TNRC18: variants seen among roughly 807,000 people sequenced by gnomAD.
The protein encoded by TNRC18 is trinucleotide repeat containing 18.
TNRC18 carries 69 observed loss-of-function variants against 226.7 expected under a neutral mutation model. The ratio of observed to expected loss-of-function variants is 0.30; its 90% CI spans 0.25 to 0.37. The LOEUF (loss-of-function observed/expected upper bound fraction) is 0.37, where lower values mean the gene tolerates loss of function less well. TNRC18 is among the 10% of genes least tolerant of loss of function. The pLI is 1.00. For synonymous variants in TNRC18, 2,449 were observed against 1,927.6 expected (o/e 1.27, Z -7.09); for missense variants, 4,754 against 4,256.6 (o/e 1.12, Z -3.25).
Position 5,394,742 on chromosome 7 carries a change from C to T in TNRC18, c.188-147G>A, listed in dbSNP as rs572369047. The T allele has an allele frequency of 2.4e-4, 157 of 655,400 alleles. No homozygotes were observed. Among genetic ancestry groups the T allele is most frequent in the South Asian group, 3.5e-4 (19 of 53,824 alleles). 40.6% of individuals were successfully genotyped at this position (655,400 alleles called of 1,614,324 possible). On this transcript the variant is annotated intron_variant, in intron 2 of 29. Coordinates refer to ENST00000430969, the MANE Select transcript of TNRC18 (RefSeq NM_001080495.3). The surrounding 1 kb of genome is among the most constrained non-coding windows in gnomAD (Gnocchi z 4.5). ...CTGGCCAGGAGACCAAAGAGGGTTC[C>T]CCTGCTCCGGCCCCACCCCTGGGCT...
intron 2 of TNRC18, among the ~76,000 whole-genome samples, chr7:5,401,972 A>G (rs1156603138): frequency 2.7e-5 from 4 of 150,906 alleles, no homozygotes; most frequent in Admixed American, 6.6e-5. Flanking sequence ...TCAGCAGATC[A>G]AGACCATCCT....
chr7:5,376,361 T>C (rs993041992), intron 8 of TNRC18, 137 bp from the exon 9 acceptor site: 2 of 791,998 alleles, frequency 2.5e-6, no homozygotes, highest in Non-Finnish European at 3.8e-6. Flanking sequence ...CCCCGGCTGC[T>C]CCCCAGGGGC....
At position 5,361,683 on chromosome 7, in the gene TNRC18, T is replaced by C. The variant is rs752386087; in HGVS notation, c.4572A>G (p.Arg1524=). The change falls in exon 14 of 30, where the codon AGA becomes AGG. Residue 1524 remains arginine, a synonymous_variant. Transcript: ENST00000430969. ...REEPHRSLAR[R]GPGRPRKRTH... is the part of the protein sequence containing the mutation. ...TCCGTTTCCGCGGCCTGCCAGGGCC[T>C]CTGCGTGCCAAGCTTCTATGGGGTT... 1.2e-5 allele frequency: 19 copies of C among 1,565,932 alleles called. No individual in the cohort carries two copies. In the Admixed American group the frequency reaches 3.4e-4, roughly 28 times the overall value.
chr7:5,351,363 C>T (rs1266850433), intron 17 of TNRC18, among the ~76,000 whole-genome samples: 7 of 152,122 alleles, frequency 4.6e-5, no homozygotes, highest in Admixed American at 6.5e-5. Context: ...TCAAGTCACA[C>T]GCCCACACGA....
chr7:5,353,249 C>T (rs1271840105), intron 16 of TNRC18, among the ~76,000 whole-genome samples: 1 of 152,228 alleles, frequency 6.6e-6, no homozygotes, highest in Non-Finnish European at 1.5e-5. Flanking sequence ...CAAGAACCCA[C>T]AGGGAGGTCG....
chr7:5,357,475 G>A lies in TNRC18; in HGVS notation c.4834-199C>T, dbSNP rs568663271. Among the ~76,000 whole-genome samples the A allele has an allele frequency of 1.2e-3, 182 of 152,086 alleles. 2 individuals are homozygous for A. The highest frequency in any genetic ancestry group is 3.4e-3 in the Middle Eastern group (1 of 294). ...CGCCCAGCCTGGGGTTCAGTGGCGC[G>A]ATCTCGGCTCACTGCAACCTCCACC... On this transcript the variant is annotated intron_variant, in intron 15 of 29. Transcript: ENST00000430969.
intron 2 of TNRC18, among the ~76,000 whole-genome samples, chr7:5,408,378 T>C (rs998449519): frequency 6.6e-6 from 1 of 150,932 alleles, no homozygotes; most frequent in Non-Finnish European, 1.5e-5. Context: ...GCCAGGCGCA[T>C]AGCTCACGCC....
Position 5,421,169 on chromosome 7 carries a change from G to C in TNRC18, c.78C>G (p.Asp26Glu), listed in dbSNP as rs1343117745. The change falls in exon 2 of 30, where the codon GAC becomes GAG. Residue 26 changes from aspartate (D) to glutamate (E), a missense_variant. By Grantham distance (45) the Asp-to-Glu change is conservative. Coordinates refer to ENST00000430969, the MANE Select transcript of TNRC18 (RefSeq NM_001080495.3). Reference protein sequence around the residue: ...PPPLLSGLAMDSHRVGAATAG... With the variant: ...PPPLLSGLAMESHRVGAATAG... ...CAGTGGCCGCGCCCACGCGGTGGCT[G>C]TCCATGGCCAGGCCGGACAGCAGCG... 40 of 1,407,860 alleles carry C rather than the reference G, an allele frequency of 2.8e-5. No individual in the cohort carries two copies. The Admixed American group carries it at 6.4e-4, about 22-fold the overall frequency. The allele number at this position is 1,407,860 out of a possible 1,614,324, so 87.2% of individuals were successfully genotyped here.
chr7:5,395,486 C>A (rs1041819458), intron 2 of TNRC18, among the ~76,000 whole-genome samples: 1 of 152,222 alleles, frequency 6.6e-6, no homozygotes, highest in Admixed American at 6.5e-5. Flanking sequence ...CTCCCAGCTG[C>A]CACCCAGGGG....
chr7:5,368,288 G>A lies in TNRC18; in HGVS notation c.4219+2087C>T, dbSNP rs796353339. On this transcript the variant is annotated intron_variant, in intron 11 of 29. Coordinates refer to ENST00000430969, the MANE Select transcript of TNRC18 (RefSeq NM_001080495.3). ...TCGCGACCAGCCTGGCCAACATGGC[G>A]AAACCCCATCTCTACTTTTTGTAAA... 9.6e-5 allele frequency among the ~76,000 whole-genome samples: 14 copies of A among 145,838 alleles called. 1 individual carries two copies. The highest frequency in any genetic ancestry group is 3.0e-4 in the African/African-American group (12 of 39,418).
intron 11 of TNRC18, among the ~76,000 whole-genome samples, chr7:5,366,099 C>G (rs1312219006): frequency 1.3e-5 from 2 of 151,986 alleles, no homozygotes; most frequent in Non-Finnish European, 2.9e-5. Flanking sequence ...GGGAGCTTCT[C>G]TTCCTTGGCA....
At chr7:5,329,614 C>T (rs1789295552) in intron 19 of TNRC18, among the ~76,000 whole-genome samples, 1 of 121,042 alleles carries the variant, frequency 8.3e-6, no homozygotes, top group African/African-American at 3.1e-5. Flanking sequence ...ACCTGGGAGG[C>T]GGAGGTTGCA....
Position 5,361,647 on chromosome 7 carries a change from C to A in TNRC18, c.4608G>T (p.Pro1536=). The change falls in exon 14 of 30, where the codon CCG becomes CCT. Residue 1536 remains proline, a synonymous_variant. Transcript: ENST00000430969. The part of the protein sequence containing the change: ...PGRPRKRTHA[P]SALSPPRKRG... ...TCTTGCGGGGGGGCGACAGGGCGCT[C>A]GGGGCGTGGGTCCGTTTCCGCGGCC... 6.4e-7 allele frequency: 1 copy of A among 1,555,672 alleles called. No homozygotes were observed. The highest frequency in any genetic ancestry group is 8.7e-7 in the Non-Finnish European group (1 of 1,151,692).
At position 5,377,034 on chromosome 7, in the gene TNRC18, C is replaced by T. The variant is rs1280306758; in HGVS notation, c.2462-41G>A. ...CAGGCCTGAGTCAGTGCTGGGAGCC[C>T]CCAAGCGGTTTGTCCTCGGGCAGCC... On this transcript the variant is annotated intron_variant, in intron 7 of 29. Coordinates refer to ENST00000430969, the MANE Select transcript of TNRC18 (RefSeq NM_001080495.3). This position sits in a 1 kb window ranked among gnomAD's most constrained non-coding sequence, Gnocchi z 5.8. The T allele has an allele frequency of 1.3e-6, 2 of 1,545,424 alleles. No individual in the cohort carries two copies. The highest frequency in any genetic ancestry group is 2.4e-5 in the South Asian group (2 of 83,284).
rs778472919 is a variant in TNRC18, at chr7:5,313,525, C to G, written c.7366G>C (p.Glu2456Gln). ...AGTTTGACAAGCAGCTCGGCCTCCTCCCCCGGCCTCCGAGGGCCCTTGGCA... is the reference window on the plus strand; with the variant it reads ...AGTTTGACAAGCAGCTCGGCCTCCTGCCCCGGCCTCCGAGGGCCCTTGGCA... ...SGAKGPRRPG[E>Q]EAELLVKLDH... is the part of the protein sequence containing the mutation. Residue 2456 changes from glutamate (E) to glutamine (Q), a missense_variant, in exon 27 of 30, where the codon GAG becomes CAG. Physicochemically the swap from Glu to Gln is conservative, Grantham distance 29. Coordinates refer to ENST00000430969, the MANE Select transcript of TNRC18 (RefSeq NM_001080495.3). 2.5e-6 allele frequency: 4 copies of G among 1,612,128 alleles called. No individual in the cohort carries two copies. The highest frequency in any genetic ancestry group is 3.4e-6 in the Non-Finnish European group (4 of 1,179,192).
rs988948829 is a variant in TNRC18 at position 5,307,988 on chromosome 7, A to G, written c.*118T>C. The G allele has an allele frequency of 1.1e-6, 1 of 927,400 alleles. No homozygotes were observed. Among genetic ancestry groups the G allele is most frequent in the Non-Finnish European group, 1.6e-6 (1 of 617,952 alleles). 57.4% of individuals were successfully genotyped at this position (927,400 alleles called of 1,614,324 possible). ...TCCACGTGCACACCTGGCCCCATGC[A>G]CACGCCTGCAGGAGCGCTCGCATGC... On this transcript the variant is annotated 3_prime_UTR_variant, in exon 30 of 30. Coordinates refer to ENST00000430969, the MANE Select transcript of TNRC18 (RefSeq NM_001080495.3).
intron 17 of TNRC18, among the ~76,000 whole-genome samples, chr7:5,347,666 A>G (rs931274511): frequency 1.3e-5 from 2 of 152,010 alleles, no homozygotes; most frequent in Admixed American, 6.6e-5. Flanking sequence ...CCCTGTCTCA[A>G]AAATAAATAG....
intron 17 of TNRC18, among the ~76,000 whole-genome samples, chr7:5,349,508 G>A (rs1302188012): frequency 6.6e-6 from 1 of 152,228 alleles, no homozygotes; most frequent in Admixed American, 6.5e-5. Context: ...GGTGGTAAAT[G>A]TCAGAGCGAT....
intron 16 of TNRC18, among the ~76,000 whole-genome samples, chr7:5,354,389 A>G (rs1466455496): frequency 6.6e-6 from 1 of 151,812 alleles, no homozygotes; most frequent in African/African-American, 2.4e-5. Context: ...CTACCACCCA[A>G]ACTGCATCCA....
Sources: gnomAD v4.1 joint callset for allele counts (sites outside exome capture counted in the v4.1 genomes callset) on GRCh38, gnomAD v4.1.1 for gene constraint, Gnocchi (gnomAD v3.1) non-coding constraint, MANE v1.5 for transcripts, NCBI Gene and HGNC (gene_info 2026-07-23, HGNC 2026-07-21) for gene names.